DISP1: variants seen among roughly 807,000 people sequenced by gnomAD.
DISP1 encodes dispatched RND transporter family member 1, also known as protein dispatched homolog 1.
Under a neutral mutation model 37.3 loss-of-function variants are expected in DISP1, and 30 were observed. The observed-to-expected ratio is 0.80, with a 90% CI of 0.60 to 1.09. The LOEUF is 1.09. DISP1 is among the 50% of genes least tolerant of loss of function. The pLI, the probability that DISP1 is intolerant of heterozygous loss-of-function variation, is 0.00. For synonymous variants in DISP1, 634 were observed against 690.2 expected, an observed-to-expected ratio of 0.92 and a Z score of 1.28; for missense variants, 1,598 against 1,879.5, an observed-to-expected ratio of 0.85 and a Z score of 2.77.
At chr1:222,861,760 A>T (rs983658406) in intron 1 of DISP1, among the ~76,000 whole-genome samples, 2 of 152,230 alleles carry the variant, frequency 1.3e-5, no homozygotes, top group African/African-American at 2.4e-5. Context: ...AAAGCAAGTT[A>T]TACTTTTTTT....
At chr1:222,842,386 A>G (rs1472570076) in intron 1 of DISP1, among the ~76,000 whole-genome samples, 1 of 151,660 alleles carries the variant, frequency 6.6e-6, no homozygotes, top group Non-Finnish European at 1.5e-5. Context: ...ACAGAACACT[A>G]TTTGTCCTTT....
Position 223,002,997 on chromosome 1 carries a change from G to T in DISP1, c.1600G>T (p.Ala534Ser), listed in dbSNP as rs768453725. 3 of 1,613,804 alleles carry T rather than the reference G, an allele frequency of 1.9e-6. No homozygotes were observed. The highest frequency in any genetic ancestry group is 2.5e-6 in the Non-Finnish European group (3 of 1,180,034). The change falls in exon 9 of 9, where the codon GCA becomes TCA. Residue 534 changes from alanine (A) to serine (S), a missense_variant. Ala to Ser is a moderately conservative substitution (Grantham distance 99, BLOSUM62 1). Coordinates refer to ENST00000675850, the MANE Select transcript of DISP1 (RefSeq NM_001377229.1). ...SMFITLMTMF[A>S]IISSLIVSYF... ...GTTTATCACTCTGATGACAATGTTT[G>T]CAATAATCAGTTCTTTGATTGTTTC...
At chr1:223,000,809 T>C (rs1018908640) in intron 8 of DISP1, among the ~76,000 whole-genome samples, 12 of 152,136 alleles carry the variant, frequency 7.9e-5, no homozygotes, top group Non-Finnish European at 1.3e-4. Context: ...CAGCTTCTGC[T>C]CTACTTTGAG....
rs147132038 is a variant in DISP1 at position 223,003,447 on chromosome 1, T to C, written c.2050T>C (p.Trp684Arg). ...QQQIYDNKSCWTVACQKCHKV... is the reference protein window; with the variant it reads ...QQQIYDNKSCRTVACQKCHKV... ...GCAAATATATGATAACAAAAGCTGC[T>C]GGACAGTGGCTTGCCAGAAGTGCCA... The change falls in exon 9 of 9, where the codon TGG (tryptophan) becomes CGG (arginine). Residue 684 changes from tryptophan to arginine, a missense_variant. By Grantham distance (101) the Trp-to-Arg change is moderately radical. Transcript: ENST00000675850. The surrounding 1 kb of genome is among the most constrained non-coding windows in gnomAD (Gnocchi z 4.3). 5.0e-6 allele frequency: 8 copies of C among 1,614,060 alleles called. No homozygotes were observed. Among genetic ancestry groups the C allele is most frequent in the Non-Finnish European group, 6.8e-6 (8 of 1,180,050 alleles).
chr1:222,866,599 T>C (rs1669206863), intron 1 of DISP1, among the ~76,000 whole-genome samples: 1 of 152,120 alleles, frequency 6.6e-6, no homozygotes, highest in African/African-American at 2.4e-5. Context: ...CCACTAGGCC[T>C]CCCAAAGTGC....
At chr1:222,945,865 G>C (rs372563732) in intron 3 of DISP1, 1 of 152,116 alleles carries the variant, frequency 6.6e-6, no homozygotes, top group Non-Finnish European at 1.5e-5. Context: ...TATTTAAAAG[G>C]GAATTGACAC....
At chr1:222,935,527 T>C (rs1673665890) in intron 2 of DISP1, among the ~76,000 whole-genome samples, 1 of 152,126 alleles carries the variant, frequency 6.6e-6, no homozygotes, top group Non-Finnish European at 1.5e-5. Context: ...TGGTAATGCC[T>C]GCCACCCCTG....
intron 1 of DISP1, among the ~76,000 whole-genome samples, chr1:222,926,384 T>G (rs1673086364): frequency 6.6e-6 from 1 of 152,216 alleles, no homozygotes; most frequent in African/African-American, 2.4e-5. Context: ...TGAATATTCA[T>G]GTACAGGTTT....
intron 3 of DISP1, among the ~76,000 whole-genome samples, chr1:222,958,339 T>C (rs1372546066): frequency 6.6e-6 from 1 of 152,214 alleles, no homozygotes; most frequent in Non-Finnish European, 1.5e-5. Flanking sequence ...AATGCTTAAA[T>C]GGGCTTTAAA....
chr1:222,936,810 A>C (rs1186029457), intron 2 of DISP1, among the ~76,000 whole-genome samples: 12 of 42,456 alleles, frequency 2.8e-4, no homozygotes, highest in Non-Finnish European at 4.9e-4. Flanking sequence ...TTATATATAT[A>C]AATTATATAT....
chr1:222,952,870 A>C (rs933100988), intron 3 of DISP1, among the ~76,000 whole-genome samples: 2 of 152,152 alleles, frequency 1.3e-5, no homozygotes, highest in Non-Finnish European at 2.9e-5. Flanking sequence ...ACAAACAAAC[A>C]AAAAATCTGA....
chr1:222,981,295 AAGAT>A (rs1677816624), intron 3 of DISP1, among the ~76,000 whole-genome samples: 1 of 88,012 alleles, frequency 1.1e-5, no homozygotes, highest in African/African-American at 3.6e-5. Context: ...CTCCACTATT[AAGAT>A]GCTGAGAGAC....
chr1:222,956,609 A>G (rs562281500), intron 3 of DISP1, among the ~76,000 whole-genome samples: 5 of 152,198 alleles, frequency 3.3e-5, no homozygotes, highest in African/African-American at 9.6e-5. Flanking sequence ...GTGAAACTCT[A>G]CACTGGGCTC....
intron 1 of DISP1, among the ~76,000 whole-genome samples, chr1:222,849,819 TA>T (rs1392623844): frequency 6.6e-6 from 1 of 152,196 alleles, no homozygotes; most frequent in Non-Finnish European, 1.5e-5. Context: ...AGTGAGCATG[TA>T]ATTTAGATTC....
rs773228647 is a variant in DISP1, at chr1:223,005,011, C to A, written c.3614C>A (p.Pro1205His). 4.3e-6 allele frequency: 7 copies of A among 1,614,148 alleles called. No homozygotes were observed. The South Asian group carries it at 7.7e-5, about 18-fold the overall frequency. ...CTGGCTTCCCACAGCTGCACTGCCC[C>A]TGAGAAGACCACTTATGAAGAGACC... The part of the protein sequence containing the change: ...EPLASHSCTA[P>H]EKTTYEETHI... The change falls in exon 9 of 9, where the codon CCT becomes CAT. Residue 1205 changes from proline to histidine, a missense_variant. Physicochemically the swap from Pro to His is moderately conservative, Grantham distance 77 (BLOSUM62 -2). Transcript: ENST00000675850.
intron 1 of DISP1, among the ~76,000 whole-genome samples, chr1:222,924,312 C>T (rs1013307166): frequency 6.6e-6 from 1 of 152,084 alleles, no homozygotes; most frequent in African/African-American, 2.4e-5. Flanking sequence ...TATCTATTTG[C>T]AGTGATATCC....
chr1:222,905,896 C>A (rs1256104630), intron 1 of DISP1, among the ~76,000 whole-genome samples: 1 of 152,114 alleles, frequency 6.6e-6, no homozygotes. Context: ...CTCAAGAGTG[C>A]ATAAAATGTT....
intron 3 of DISP1, among the ~76,000 whole-genome samples, chr1:222,967,938 G>T (rs1247391655): frequency 6.6e-6 from 1 of 152,086 alleles, no homozygotes; most frequent in Non-Finnish European, 1.5e-5. Context: ...GTCTTTCACT[G>T]ACTAGAATTA....
At chr1:222,980,799 T>C (rs1016318183) in intron 3 of DISP1, among the ~76,000 whole-genome samples, 1 of 152,212 alleles carries the variant, frequency 6.6e-6, no homozygotes, top group Non-Finnish European at 1.5e-5. Context: ...AGCAACAAGT[T>C]CTTGGCTGGG....
Sources: allele counts gnomAD v4.1 joint callset (sites outside exome capture counted in the v4.1 genomes callset), GRCh38; gene constraint gnomAD v4.1.1; non-coding constraint Gnocchi (gnomAD v3.1); transcripts MANE v1.5; gene names NCBI Gene and HGNC (gene_info 2026-07-23, HGNC 2026-07-21).